SPTA1: variants seen among roughly 807,000 people sequenced by gnomAD.
SPTA1 encodes spectrin alpha chain, erythrocytic 1.
Under a neutral mutation model 324.7 loss-of-function variants are expected in SPTA1, and 177 were observed. That is an observed-to-expected ratio of 0.55 (90% CI 0.48 to 0.62). The LOEUF (loss-of-function observed/expected upper bound fraction) is 0.62, where lower values mean the gene tolerates loss of function less well. Ranked by LOEUF, SPTA1 falls within the 20% of genes least tolerant of loss-of-function variation. SPTA1 has a pLI of 0.00. For missense variants in SPTA1, 3,162 were observed against 2,883.6 expected (o/e 1.10, Z -2.21); for synonymous variants, 1,195 against 1,041.3 (o/e 1.15, Z -2.84).
Position 158,642,801 on chromosome 1 carries a change from AT to A in SPTA1, c.4605+12del. 1 of 1,613,824 alleles carries A rather than the reference AT, an allele frequency of 6.2e-7. No individual in the cohort carries two copies. Among genetic ancestry groups the A allele is most frequent in the Non-Finnish European group, 8.5e-7 (1 of 1,179,824 alleles). ...AATGGTGAAATTTTCCAAGATTCCT[AT>A]TTTGAACTTGCCTGAATGTTAGTGG... On this transcript the variant is annotated intron_variant, in intron 32 of 51. Transcript: ENST00000643759.
In SPTA1 at chr1:158,635,032, C is replaced by T. The variant is rs148365242; in HGVS notation, c.5433-357G>A. ...TTCTACTCTGAGCACTGCCTTCTTTCGTATATGATGAAGACACCACGAAGT... is the reference window on the plus strand; with the variant it reads ...TTCTACTCTGAGCACTGCCTTCTTTTGTATATGATGAAGACACCACGAAGT... On this transcript the variant is annotated intron_variant, in intron 38 of 51. Transcript: ENST00000643759. 2.8e-4 allele frequency among the ~76,000 whole-genome samples: 43 copies of T among 152,192 alleles called. No homozygotes were observed. In the East Asian group the frequency reaches 7.5e-3, roughly 27 times the overall value.
In SPTA1 at chr1:158,611,131, G is replaced by GCGCACACA. The variant is rs879208333; in HGVS notation, c.*132_*133insTGTGTGCG. 53 of 671,426 alleles carry GCGCACACA rather than the reference G, an allele frequency of 7.9e-5. No individual in the cohort carries two copies. The highest frequency in any genetic ancestry group is 1.7e-4 in the South Asian group (10 of 59,590). The allele number at this position is 671,426 out of a possible 1,614,324, so 41.6% of individuals were successfully genotyped here. On this transcript the variant is annotated 3_prime_UTR_variant, in exon 52 of 52. Transcript: ENST00000643759. ...AAATGTAATATGCACACAAACACAAGCACACACACACACACACACACACAC... is the reference window on the plus strand; with the variant it reads ...AAATGTAATATGCACACAAACACAAGCGCACACACACACACACACACACACACACACAC...
In SPTA1 at chr1:158,659,591, CATT is replaced by C. The variant is rs1204584586; in HGVS notation, c.2587+1693_2587+1695del. ...CTGTAAAAGAAAATAATAGTCTTAG[CATT>C]ATTTTTTTTTTTTTTTTTTTTTTTT... is the stretch of plus-strand genomic sequence containing the variant. On this transcript the variant is annotated intron_variant, in intron 18 of 51. Transcript: ENST00000643759. Among the ~76,000 whole-genome samples, 9 of 101,242 alleles carry C rather than the reference CATT, an allele frequency of 8.9e-5. 3 individuals carry two copies. Among genetic ancestry groups the C allele is most frequent in the Non-Finnish European group, 1.5e-4 (7 of 45,326 alleles). 66.4% of individuals were successfully genotyped at this position (101,242 alleles called of 152,430 possible).
At chr1:158,613,939 T>C (rs1649405688) in intron 49 of SPTA1, 72 bp from the exon 50 acceptor site, 6 of 1,513,380 alleles carry the variant, frequency 4.0e-6, no homozygotes, top group South Asian at 1.2e-5. Flanking sequence ...GAAAGGAATA[T>C]GTCTTATTGC....
intron 41 of SPTA1, 125 bp downstream of exon 41, chr1:158,626,714 T>C: frequency 3.4e-6 from 4 of 1,185,114 alleles, no homozygotes; most frequent in South Asian, 1.2e-5. Context: ...CCAGAAAGGA[T>C]AGGAATGGGT....
chr1:158,680,540 TAAGAA>T, intron 5 of SPTA1, 38 bp downstream of exon 5: 2 of 1,612,936 alleles, frequency 1.2e-6, no homozygotes, highest in Non-Finnish European at 1.7e-6. Flanking sequence ...TTCTTAAGGA[TAAGAA>T]CCCTTTGCAC....
intron 16 of SPTA1, 136 bp from the exon 17 acceptor site, chr1:158,663,081 T>A: frequency 7.9e-7 from 1 of 1,265,382 alleles, no homozygotes; most frequent in South Asian, 1.3e-5. Flanking sequence ...ATTAAATCAG[T>A]GAAATGGAGT....
chr1:158,667,293 T>A (rs1180726847), intron 15 of SPTA1, among the ~76,000 whole-genome samples: 1 of 152,212 alleles, frequency 6.6e-6, no homozygotes, highest in Non-Finnish European at 1.5e-5. Flanking sequence ...TTGATTAATT[T>A]TCCAAAGTAA....
intron 16 of SPTA1, among the ~76,000 whole-genome samples, chr1:158,664,295 T>G (rs1653442256): frequency 6.6e-6 from 1 of 152,172 alleles, no homozygotes; most frequent in Admixed American, 6.6e-5. Flanking sequence ...CCATCTATGA[T>G]AGACTGGATA....
chr1:158,680,724 A>G lies in SPTA1; in HGVS notation c.537T>C (p.Ala179=). 1 of 1,613,694 alleles carries G rather than the reference A, an allele frequency of 6.2e-7. No individual in the cohort carries two copies. Among genetic ancestry groups the G allele is most frequent in the Non-Finnish European group, 8.5e-7 (1 of 1,179,782 alleles). Residue 179 remains alanine, a synonymous_variant, in exon 5 of 52, where the codon GCT becomes GCC. Transcript: ENST00000643759. Reference sequence around the variant, plus strand: ...CACCTAGCTCCACTGATGTCGCTATAGCCTCCTGTAGACACAGAAGTTGAT... The same window carrying G: ...CACCTAGCTCCACTGATGTCGCTATGGCCTCCTGTAGACACAGAAGTTGAT... ...DILEWIGDKE[A]IATSVELGED...
chr1:158,629,847 G>A (rs11265039), intron 39 of SPTA1, among the ~76,000 whole-genome samples: 51,561 of 151,536 alleles, frequency 0.34, 9,299 homozygotes, highest in African/African-American at 0.46. Flanking sequence ...TTTAGAAATT[G>A]TAAACAATAA....
intron 12 of SPTA1, 124 bp downstream of exon 12, chr1:158,671,219 G>T: frequency 1.4e-6 from 1 of 727,768 alleles, no homozygotes; most frequent in Admixed American, 2.0e-5. Context: ...GATGCAACTT[G>T]ATTAGGGATA....
intron 18 of SPTA1, among the ~76,000 whole-genome samples, chr1:158,660,033 A>C (rs1339936698): frequency 6.6e-6 from 1 of 152,238 alleles, no homozygotes; most frequent in Admixed American, 6.5e-5. Flanking sequence ...ATACACACAC[A>C]AACACAAAAC....
chr1:158,617,672 T>C (rs1442878467), intron 46 of SPTA1, 84 bp from the exon 47 acceptor site: 1 of 1,322,584 alleles, frequency 7.6e-7, no homozygotes, highest in African/African-American at 1.4e-5. Flanking sequence ...AGCTCCTCTG[T>C]TTCAACTTCT....
chr1:158,629,427 A>T (rs1650535391), intron 39 of SPTA1, among the ~76,000 whole-genome samples: 1 of 152,012 alleles, frequency 6.6e-6, no homozygotes, highest in Non-Finnish European at 1.5e-5. Context: ...ACAAAAAAAG[A>T]TAGAACTAAA....
intron 50 of SPTA1, 90 bp from the exon 51 acceptor site, chr1:158,613,051 G>C (rs888620246): frequency 7.1e-7 from 1 of 1,403,304 alleles, no homozygotes; most frequent in African/African-American, 1.4e-5. Context: ...AGAAACAGAG[G>C]AAAGCCAGAT....
intron 14 of SPTA1, among the ~76,000 whole-genome samples, 154 bp downstream of exon 14, chr1:158,669,254 T>G (rs1247785523): frequency 6.6e-6 from 1 of 152,186 alleles, no homozygotes; most frequent in Non-Finnish European, 1.5e-5. Context: ...ATAAATAGCC[T>G]TCAGGGATTC....
In SPTA1 at chr1:158,669,514, C is replaced by A. The variant is rs1465812061; in HGVS notation, c.1727G>T (p.Arg576Ile). ...ALREKAATRR[R>I]LLKESLLLQK... Reference sequence around the variant, plus strand: ...CAGAAGCAATGACTCCTTCAGCAATCTACGTCTAGTGGCAGCCTTTTCACG... The same window carrying A: ...CAGAAGCAATGACTCCTTCAGCAATATACGTCTAGTGGCAGCCTTTTCACG... The change falls in exon 14 of 52, where the codon AGA (arginine) becomes ATA (isoleucine). Residue 576 changes from arginine to isoleucine, a missense_variant. By Grantham distance (97) the Arg-to-Ile change is moderately conservative. Transcript: ENST00000643759. 2 of 1,614,050 alleles carry A rather than the reference C, an allele frequency of 1.2e-6. No individual in the cohort carries two copies. The highest frequency in any genetic ancestry group is 2.7e-5 in the African/African-American group (2 of 74,936).
intron 30 of SPTA1, 39 bp downstream of exon 30, chr1:158,644,214 A>G (rs1651825171): frequency 1.9e-6 from 3 of 1,610,382 alleles, no homozygotes; most frequent in South Asian, 2.2e-5. Flanking sequence ...TATTATTACT[A>G]CGGATTATTA....
Sources: gnomAD v4.1 joint callset for allele counts (sites outside exome capture counted in the v4.1 genomes callset) on GRCh38, gnomAD v4.1.1 for gene constraint, MANE v1.5 for transcripts, NCBI Gene and HGNC (gene_info 2026-07-23, HGNC 2026-07-21) for gene names.